The following CUBN variants were observed in gnomAD, a reference collection of about 807,000 sequenced individuals.
The protein encoded by CUBN is cubilin.
Under a neutral mutation model 405.3 loss-of-function variants are expected in CUBN, and 282 were observed. That is an observed-to-expected ratio of 0.70 (90% CI 0.63 to 0.77). The LOEUF (loss-of-function observed/expected upper bound fraction) is 0.77. Ranked by LOEUF, CUBN falls within the 30% of genes least tolerant of loss-of-function variation. The pLI, the probability that CUBN is intolerant of heterozygous loss-of-function variation, is 0.00. For missense variants in CUBN, 4,514 were observed against 4,475.2 expected, an observed-to-expected ratio of 1.01 and a Z score of -0.25; for synonymous variants, 1,684 against 1,617.0, an observed-to-expected ratio of 1.04 and a Z score of -0.99.
chr10:16,922,278 C>T (rs188359291), intron 43 of CUBN, among the ~76,000 whole-genome samples: 162 of 152,238 alleles, frequency 1.1e-3, no homozygotes, highest in African/African-American at 3.3e-3. Context: ...CATCCCTTCC[C>T]TCCTGCCTCA....
rs530767550 is a variant in CUBN, at chr10:17,084,901, C to G, written c.2111-440G>C. ...GCACGGAAAACAATTGAAAGGGGAACAGGAGGTTGGCACCAGATTCCGTGG... is the reference window on the plus strand; with the variant it reads ...GCACGGAAAACAATTGAAAGGGGAAGAGGAGGTTGGCACCAGATTCCGTGG... On this transcript the variant is annotated intron_variant, in intron 16 of 66. Coordinates refer to ENST00000377833, the MANE Select transcript of CUBN (RefSeq NM_001081.4). Among the ~76,000 whole-genome samples, 3 of 152,120 alleles carry G rather than the reference C, an allele frequency of 2.0e-5. No homozygotes were observed. In the South Asian group the frequency reaches 6.2e-4, roughly 32 times the overall value.
intron 22 of CUBN, among the ~76,000 whole-genome samples, chr10:17,062,326 T>C (rs1835521569): frequency 6.6e-6 from 1 of 152,252 alleles, no homozygotes; most frequent in Admixed American, 6.5e-5. Flanking sequence ...TCCCTGTTTA[T>C]ACTTTTAAAG....
chr10:16,828,534 A>G (rs1838863803), intron 66 of CUBN, among the ~76,000 whole-genome samples: 1 of 152,172 alleles, frequency 6.6e-6, no homozygotes, highest in Non-Finnish European at 1.5e-5. Context: ...CCTGGTCAAC[A>G]TGGCAAAACC....
chr10:17,016,337 C>T (rs1436710856), intron 28 of CUBN, among the ~76,000 whole-genome samples: 1 of 152,162 alleles, frequency 6.6e-6, no homozygotes, highest in Non-Finnish European at 1.5e-5. Context: ...GGGATCCATA[C>T]TGGGGAAGGC....
chr10:16,973,536 A>G (rs1833002226), intron 31 of CUBN, among the ~76,000 whole-genome samples: 1 of 152,172 alleles, frequency 6.6e-6, no homozygotes, highest in African/African-American at 2.4e-5. Flanking sequence ...CAGGTTTGCT[A>G]TAGAGGTAAA....
chr10:17,022,600 G>A (rs1465045030), intron 27 of CUBN, among the ~76,000 whole-genome samples: 1 of 152,194 alleles, frequency 6.6e-6, no homozygotes, highest in Non-Finnish European at 1.5e-5. Context: ...CTCTCCTGCA[G>A]GCGGAGAAAC....
At chr10:16,982,365 G>C in intron 31 of CUBN, 119 bp downstream of exon 31, 1 of 885,678 alleles carries the variant, frequency 1.1e-6, no homozygotes, top group Non-Finnish European at 1.8e-6. Flanking sequence ...CAATAGTTTG[G>C]TTTCCTATGA....
chr10:16,950,171 ATGGGGCAAGACGGGGAGG>A, intron 33 of CUBN, 60 bp from the exon 34 acceptor site: 1 of 1,206,218 alleles, frequency 8.3e-7, no homozygotes, highest in Non-Finnish European at 1.2e-6. Flanking sequence ...ATACAGGGAG[ATGGGGCAAGACGGGGAGG>A]TGGGGATGGT....
In CUBN at chr10:16,835,081, G is replaced by C. The variant is rs7898873; in HGVS notation, c.10295C>G (p.Thr3432Ser). The change falls in exon 64 of 67, where the codon ACC becomes AGC. Residue 3432 changes from threonine (T) to serine (S), a missense_variant. This residue lies in a region of CUBN where 1,186 missense variants were observed against 1,186.9 expected (regional missense o/e 1.00). Transcript: ENST00000377833. The part of the protein sequence containing the change: ...TVTLTAPQNH[T>S]ISLFFHSLGI... ...AAGTGAATGAAAAAAGAGGGAAATG[G>C]TGTGGTTCTGGGGGGCTGTGAGAGT... is the stretch of plus-strand genomic sequence containing the variant. 0.013 allele frequency: 20,990 copies of C among 1,614,008 alleles called. 2,286 individuals are homozygous for C. The African/African-American group carries it at 0.24, about 19-fold the overall frequency.
At position 16,888,457 on chromosome 10, in the gene CUBN, C is replaced by T. The variant is rs1362300092; in HGVS notation, c.8865G>A (p.Leu2955=). The T allele has an allele frequency of 6.2e-7, 1 of 1,613,292 alleles. No individual in the cohort carries two copies. The change falls in exon 56 of 67, where the codon CTG becomes CTA. Residue 2955 remains leucine (L), a synonymous_variant. Transcript: ENST00000377833. The part of the protein sequence containing the change: ...NCTYVIEANP[L]SVVLLTFVSF... The stretch of plus-strand genomic sequence containing the variant: ...ACACAAAAGTCAAGAGGACCACTGA[C>T]AGAGGATTAGCCTCTATGACATAGG...
At chr10:16,921,839 TC>T (rs1168943541) in intron 43 of CUBN, among the ~76,000 whole-genome samples, 8 of 152,212 alleles carry the variant, frequency 5.3e-5, no homozygotes, top group African/African-American at 1.9e-4. Flanking sequence ...TCAGTCTAGA[TC>T]CCTGTTCTGA....
chr10:17,105,714 G>A (rs1836613507), intron 10 of CUBN, 139 bp from the exon 11 acceptor site: 3 of 662,672 alleles, frequency 4.5e-6, no homozygotes, highest in Admixed American at 4.8e-5. Flanking sequence ...ACAAAACAAG[G>A]TATGAGGAGA....
intron 66 of CUBN, among the ~76,000 whole-genome samples, chr10:16,826,660 TA>T (rs1280283427): frequency 1.3e-5 from 2 of 152,110 alleles, no homozygotes; most frequent in African/African-American, 4.8e-5. Flanking sequence ...CACCAACAGT[TA>T]AAAAAATTGA....
chr10:17,006,755 G>A (rs1834039722), intron 28 of CUBN, among the ~76,000 whole-genome samples: 1 of 150,328 alleles, frequency 6.7e-6, no homozygotes. Context: ...CATAAAAGAT[G>A]TTGACACGGT....
chr10:16,851,906 CTCTA>C (rs1267224233), intron 59 of CUBN, among the ~76,000 whole-genome samples: 7 of 129,034 alleles, frequency 5.4e-5, no homozygotes, highest in Admixed American at 1.5e-4. Flanking sequence ...CCCTCCCTGA[CTCTA>C]TCTTTCCCTC....
intron 49 of CUBN, 52 bp from the exon 50 acceptor site, chr10:16,906,461 C>A (rs146220886): frequency 2.4e-6 from 3 of 1,257,052 alleles, no homozygotes; most frequent in African/African-American, 1.5e-5. Flanking sequence ...CAGGCCACAA[C>A]GGAAGAGATA....
In CUBN at chr10:16,869,698, AC is replaced by A; in HGVS notation, c.9391del (p.Val3131CysfsTer31). The A allele has an allele frequency of 6.2e-7, 1 of 1,614,118 alleles. No individual in the cohort carries two copies. The highest frequency in any genetic ancestry group is 8.5e-7 in the Non-Finnish European group (1 of 1,180,006). On this transcript the variant is annotated frameshift_variant, in exon 59 of 67. Transcript: ENST00000377833. LOFTEE classifies it high-confidence loss of function. ...VKSSNNSMLLVFKTDSFQTAK... is the reference protein window; with the variant it reads ...VKSSNNSMLLXFKTDSFQTAK... ...TGTCTGAAATGAATCTGTCTTGAAC[AC>A]CAGGAGCATACTATTATTGCTGCTC...
chr10:16,985,236 A>T (rs557402563), intron 29 of CUBN, among the ~76,000 whole-genome samples: 7 of 152,252 alleles, frequency 4.6e-5, no homozygotes, highest in Admixed American at 1.3e-4. Context: ...CTCCACGAGC[A>T]GATGGGCAGA....
At chr10:17,081,124 A>G (rs1288940467) in intron 17 of CUBN, among the ~76,000 whole-genome samples, 3 of 152,196 alleles carry the variant, frequency 2.0e-5, no homozygotes, top group Non-Finnish European at 2.9e-5. Flanking sequence ...CTATTCTTTA[A>G]TGAGTGCTTA....
Sources: allele counts gnomAD v4.1 joint callset (sites outside exome capture counted in the v4.1 genomes callset), GRCh38; gene constraint gnomAD v4.1.1; regional missense constraint gnomAD v4.1.1; transcripts MANE v1.5; gene names NCBI Gene and HGNC (gene_info 2026-07-23, HGNC 2026-07-21).